PPARD: variants seen among roughly 807,000 people sequenced by gnomAD.
The protein encoded by PPARD is peroxisome proliferator activated receptor delta, also known as peroxisome proliferator-activated receptor delta.
Under a neutral mutation model 39.5 loss-of-function variants are expected in PPARD, and 6 were observed. That is an observed-to-expected ratio of 0.15 (90% confidence interval 0.08 to 0.30). PPARD has a LOEUF of 0.30. Ranked by LOEUF, PPARD falls within the 10% of genes least tolerant of loss-of-function variation. PPARD has a pLI of 1.00. For missense variants in PPARD, 397 were observed against 596.8 expected (o/e 0.67, Z 3.49); for synonymous variants, 210 against 231.3 (o/e 0.91, Z 0.83).
chr6:35,386,638 AATG>A (rs2150635349), intron 2 of PPARD, among the ~76,000 whole-genome samples: 1 of 152,238 alleles, frequency 6.6e-6, no homozygotes, highest in Non-Finnish European at 1.5e-5. Context: ...AAAATAGGAA[AATG>A]ATGATAGAAT....
intron 2 of PPARD, among the ~76,000 whole-genome samples, chr6:35,361,844 G>A (rs1191838153): frequency 6.6e-6 from 1 of 152,234 alleles, no homozygotes; most frequent in Non-Finnish European, 1.5e-5. Flanking sequence ...TGTTGGGCAC[G>A]AGGTGATGGA....
intron 2 of PPARD, among the ~76,000 whole-genome samples, chr6:35,399,909 CTAT>C (rs1408442287): frequency 6.6e-6 from 1 of 152,128 alleles, no homozygotes; most frequent in Non-Finnish European, 1.5e-5. Flanking sequence ...AACCATTCCT[CTAT>C]TATTGGGCAT....
In PPARD at chr6:35,349,060, C is replaced by G. The variant is rs558871789; in HGVS notation, c.-102+1910C>G. On this transcript the variant is annotated intron_variant, in intron 2 of 7. Coordinates refer to ENST00000360694, the MANE Select transcript of PPARD (RefSeq NM_006238.5). ...TTTTTTTTTGAGACGGAGTCTCGCT[C>G]TGTCACCCAGGCTGGAGTGCAGTGG... 170 of 969,478 alleles carry G rather than the reference C, an allele frequency of 1.8e-4. 1 individual carries two copies. The highest frequency in any genetic ancestry group is 1.6e-3 in the African/African-American group (90 of 56,028). 60.1% of individuals were successfully genotyped at this position (969,478 alleles called of 1,614,324 possible). A position where few individuals can be genotyped will look rare whatever the true frequency, so the allele number is the denominator to read the frequency against.
intron 2 of PPARD, among the ~76,000 whole-genome samples, chr6:35,405,659 C>T (rs1242044004): frequency 6.6e-6 from 1 of 151,924 alleles, no homozygotes. Flanking sequence ...GAGACAGAGT[C>T]TCCTCTGTCA....
intron 2 of PPARD, among the ~76,000 whole-genome samples, chr6:35,399,769 T>C (rs1338347091): frequency 6.6e-6 from 1 of 152,228 alleles, no homozygotes; most frequent in East Asian, 1.9e-4. Context: ...TTTCTAGTCA[T>C]TTTCATGAGA....
intron 2 of PPARD, among the ~76,000 whole-genome samples, chr6:35,406,108 T>C (rs932259910): frequency 6.6e-6 from 1 of 152,054 alleles, no homozygotes; most frequent in Admixed American, 6.6e-5. Flanking sequence ...GTGTTTTTAG[T>C]AGAGACAGGG....
chr6:35,415,794 G>A (rs964421413), intron 3 of PPARD, among the ~76,000 whole-genome samples: 5 of 152,022 alleles, frequency 3.3e-5, no homozygotes, highest in Admixed American at 2.0e-4. Context: ...GTGTGTGTGT[G>A]TGTGTGTGTT....
chr6:35,375,129 A>G (rs938662089), intron 2 of PPARD, among the ~76,000 whole-genome samples: 3 of 150,398 alleles, frequency 2.0e-5, no homozygotes, highest in Non-Finnish European at 4.4e-5. Context: ...CATTTTTGGG[A>G]TTTAACTTAA....
intron 3 of PPARD, among the ~76,000 whole-genome samples, chr6:35,418,817 A>G (rs112718741): frequency 4.6e-4 from 70 of 152,246 alleles, no homozygotes; most frequent in Non-Finnish European, 8.8e-4. Flanking sequence ...CCAGGAGGGG[A>G]GCAGCCCACT....
At chr6:35,377,622 C>T (rs1462359405) in intron 2 of PPARD, among the ~76,000 whole-genome samples, 1 of 152,146 alleles carries the variant, frequency 6.6e-6, no homozygotes, top group Non-Finnish European at 1.5e-5. Context: ...ACTCAGCTTT[C>T]TCATCTGTAA....
intron 2 of PPARD, among the ~76,000 whole-genome samples, chr6:35,347,403 T>C (rs1172170795): frequency 1.3e-5 from 2 of 152,004 alleles, no homozygotes. Flanking sequence ...AAAGATAAAC[T>C]CCACAGGGCA....
intron 2 of PPARD, among the ~76,000 whole-genome samples, chr6:35,383,358 G>T (rs1200121565): frequency 6.6e-6 from 1 of 152,192 alleles, no homozygotes; most frequent in Non-Finnish European, 1.5e-5. Context: ...CTGGAGTGCA[G>T]TGGCGTGGTC....
chr6:35,388,449 C>T (rs188482855), intron 2 of PPARD, among the ~76,000 whole-genome samples: 101 of 152,244 alleles, frequency 6.6e-4, no homozygotes, highest in African/African-American at 2.2e-3. Flanking sequence ...TGTAGTGGCT[C>T]ACACCTGTAC....
intron 2 of PPARD, among the ~76,000 whole-genome samples, chr6:35,397,223 G>A (rs191390395): frequency 4.4e-4 from 66 of 149,456 alleles, no homozygotes; most frequent in African/African-American, 1.6e-3. Flanking sequence ...AGTCAGGGAG[G>A]CCTCCCTCCA....
At chr6:35,404,952 TTTGTGTGTGTGTGTGTGTG>T (rs937764977) in intron 2 of PPARD, among the ~76,000 whole-genome samples, 2 of 118,818 alleles carry the variant, frequency 1.7e-5, no homozygotes, top group African/African-American at 6.0e-5. Context: ...CACTGCAGGC[TTTGTGTGTGTGTGTGTGTG>T]TGTGTGTGTG....
chr6:35,426,396 C>T lies in PPARD; in HGVS notation c.*317C>T, dbSNP rs1447227027. On this transcript the variant is annotated 3_prime_UTR_variant, in exon 8 of 8. Transcript: ENST00000360694. Reference sequence around the variant, plus strand: ...CCCTTGCCCTCCCTTTCTCTCTCCACCCCCCACGTCTGTCCTCCTTTCTTA... The same window carrying T: ...CCCTTGCCCTCCCTTTCTCTCTCCATCCCCCACGTCTGTCCTCCTTTCTTA... 9.6e-6 allele frequency: 4 copies of T among 418,712 alleles called. No homozygotes were observed. The highest frequency in any genetic ancestry group is 4.1e-5 in the Admixed American group (1 of 24,426). 25.9% of individuals were successfully genotyped at this position (418,712 alleles called of 1,614,324 possible). A position where few individuals can be genotyped will look rare whatever the true frequency, so the allele number is the denominator to read the frequency against.
chr6:35,382,019 AT>A (rs1240315015), intron 2 of PPARD, among the ~76,000 whole-genome samples: 3 of 152,198 alleles, frequency 2.0e-5, no homozygotes, highest in African/African-American at 7.2e-5. Flanking sequence ...TCATGCAGAC[AT>A]TCTTGCCTGT....
chr6:35,395,159 A>G (rs188159711), intron 2 of PPARD, among the ~76,000 whole-genome samples: 272 of 152,308 alleles, frequency 1.8e-3, no homozygotes, highest in African/African-American at 6.4e-3. Flanking sequence ...GTTAATAGAC[A>G]GATGACTGCT....
chr6:35,391,128 A>G (rs1037969182), intron 2 of PPARD, among the ~76,000 whole-genome samples: 2 of 152,258 alleles, frequency 1.3e-5, no homozygotes, highest in Non-Finnish European at 2.9e-5. Flanking sequence ...GCATGTAAAA[A>G]TGATCTCTAT....
Sources: gnomAD v4.1 joint callset for allele counts (sites outside exome capture counted in the v4.1 genomes callset) on GRCh38, gnomAD v4.1.1 for gene constraint, MANE v1.5 for transcripts, NCBI Gene and HGNC (gene_info 2026-07-23, HGNC 2026-07-21) for gene names.